Variants in SLX4IP observed in about 807,000 individuals in gnomAD.
SLX4IP encodes the protein protein SLX4IP.
Under a neutral mutation model 32.9 loss-of-function variants are expected in SLX4IP, and 34 were observed. That is an observed-to-expected ratio of 1.03 (90% CI 0.79 to 1.38). The LOEUF (loss-of-function observed/expected upper bound fraction) is 1.38, where lower values mean the gene tolerates loss of function less well. SLX4IP is among the 40% of genes most tolerant of loss of function. The pLI is 0.00. For missense variants in SLX4IP, 444 were observed against 479.0 expected (o/e 0.93, Z 0.68); for synonymous variants, 172 against 171.7 (o/e 1.00, Z -0.01).
intron 2 of SLX4IP, among the ~76,000 whole-genome samples, chr20:10,532,552 C>T (rs570915904): frequency 2.9e-4 from 44 of 152,094 alleles, no homozygotes; most frequent in African/African-American, 1.0e-3. Flanking sequence ...GTCATGTGGA[C>T]GATTTCATAA....
At chr20:10,451,094 A>G (rs2065237921) in intron 1 of SLX4IP, among the ~76,000 whole-genome samples, 1 of 143,290 alleles carries the variant, frequency 7.0e-6, no homozygotes, top group African/African-American at 2.5e-5. Context: ...TCCTTTCAAT[A>G]ATTTTGAGTT....
intron 1 of SLX4IP, among the ~76,000 whole-genome samples, chr20:10,457,567 C>T (rs533156754): frequency 1.7e-4 from 26 of 151,494 alleles, no homozygotes; most frequent in African/African-American, 4.8e-4. Context: ...CCAACTTGAT[C>T]GTGGTGTATA....
At chr20:10,600,624 C>T (rs1447103715) in intron 5 of SLX4IP, among the ~76,000 whole-genome samples, 1 of 152,078 alleles carries the variant, frequency 6.6e-6, no homozygotes, top group Non-Finnish European at 1.5e-5. Flanking sequence ...GTAATTGACA[C>T]CTTCTTGCTT....
At chr20:10,469,774 A>G (rs766845347) in intron 2 of SLX4IP, among the ~76,000 whole-genome samples, 21 of 152,218 alleles carry the variant, frequency 1.4e-4, no homozygotes, top group Non-Finnish European at 2.6e-4. Flanking sequence ...AAGTGCTTTT[A>G]CAGTCGTTGG....
At chr20:10,454,295 C>A (rs1181116058) in intron 1 of SLX4IP, among the ~76,000 whole-genome samples, 3 of 151,892 alleles carry the variant, frequency 2.0e-5, no homozygotes, top group Non-Finnish European at 2.9e-5. Flanking sequence ...CCAAGGAACC[C>A]CTATGTCAGT....
At chr20:10,496,034 G>T (rs2065664984) in intron 2 of SLX4IP, among the ~76,000 whole-genome samples, 1 of 141,492 alleles carries the variant, frequency 7.1e-6, no homozygotes, top group African/African-American at 2.7e-5. Context: ...TTGTTTGGTT[G>T]ATTTTTTTTT....
rs2065447744 is a variant in SLX4IP, at chr20:10,473,721, G to GC, written c.27+15492dup. Among the ~76,000 whole-genome samples the GC allele has an allele frequency of 2.0e-5, 3 of 151,776 alleles. No homozygotes were observed. In the South Asian group the frequency reaches 6.2e-4, roughly 32 times the overall value. On this transcript the variant is annotated intron_variant, in intron 2 of 7. Transcript: ENST00000334534. ...AGGTTCAAGCAATTCTCCTGCCTCA[G>GC]CCTCCCAAGTAGCTGGGATTACAGG...
At chr20:10,575,025 C>G (rs2066510053) in intron 4 of SLX4IP, among the ~76,000 whole-genome samples, 1 of 152,110 alleles carries the variant, frequency 6.6e-6, no homozygotes, top group Non-Finnish European at 1.5e-5. Flanking sequence ...CCTGCCCTCT[C>G]ATTAGCTCCA....
At chr20:10,586,280 G>C (rs763791796) in intron 4 of SLX4IP, among the ~76,000 whole-genome samples, 1 of 152,206 alleles carries the variant, frequency 6.6e-6, no homozygotes, top group Non-Finnish European at 1.5e-5. Flanking sequence ...AAATCCACAA[G>C]AGATTCTGAG....
chr20:10,592,015 G>T (rs1339137191), intron 4 of SLX4IP, among the ~76,000 whole-genome samples: 1 of 152,108 alleles, frequency 6.6e-6, no homozygotes, highest in East Asian at 1.9e-4. Flanking sequence ...AATAAATTTG[G>T]CTCCGAAGAA....
intron 2 of SLX4IP, among the ~76,000 whole-genome samples, chr20:10,518,549 C>CTTT (rs2065878596): frequency 9.5e-5 from 5 of 52,882 alleles, no homozygotes; most frequent in African/African-American, 3.6e-4. Flanking sequence ...TTCCTTCCTT[C>CTTT]CTTTCCTTCT....
At chr20:10,528,092 G>A (rs2065954380) in intron 2 of SLX4IP, among the ~76,000 whole-genome samples, 1 of 152,056 alleles carries the variant, frequency 6.6e-6, no homozygotes, top group Non-Finnish European at 1.5e-5. Context: ...GATCATTATG[G>A]CTGTTGTGTA....
At chr20:10,441,755 T>C (rs543938920) in intron 1 of SLX4IP, among the ~76,000 whole-genome samples, 2 of 152,254 alleles carry the variant, frequency 1.3e-5, no homozygotes, top group East Asian at 1.9e-4. Flanking sequence ...AAGTAAACTT[T>C]GGCATTCAGA....
At chr20:10,444,374 G>GTTTC (rs997630392) in intron 1 of SLX4IP, among the ~76,000 whole-genome samples, 2 of 151,966 alleles carry the variant, frequency 1.3e-5, no homozygotes, top group African/African-American at 4.8e-5. Context: ...CTGGTGAGGG[G>GTTTC]TTTCTTTCTT....
chr20:10,516,384 T>TCAATGTTGAC (rs57936307), intron 2 of SLX4IP, among the ~76,000 whole-genome samples: 87,090 of 151,958 alleles, frequency 0.57, 25,587 homozygotes, highest in South Asian at 0.72. Flanking sequence ...CTTCAACAGA[T>TCAATGTTGAC]TAATGTTGAT....
At chr20:10,473,417 T>G (rs1229485850) in intron 2 of SLX4IP, among the ~76,000 whole-genome samples, 1 of 152,216 alleles carries the variant, frequency 6.6e-6, no homozygotes, top group African/African-American at 2.4e-5. Context: ...GAGGGTTAAA[T>G]AAAAGGATTC....
At chr20:10,487,800 G>T (rs1162589203) in intron 2 of SLX4IP, among the ~76,000 whole-genome samples, 1 of 152,200 alleles carries the variant, frequency 6.6e-6, no homozygotes, top group Non-Finnish European at 1.5e-5. Context: ...TCGCTGAACA[G>T]TAGGTATTTT....
intron 2 of SLX4IP, among the ~76,000 whole-genome samples, chr20:10,547,172 A>C (rs2066170853): frequency 6.6e-6 from 1 of 152,232 alleles, no homozygotes; most frequent in South Asian, 2.1e-4. Flanking sequence ...AGGATACCAG[A>C]GATGATTTAC....
chr20:10,569,040 C>A (rs980296010), intron 4 of SLX4IP, among the ~76,000 whole-genome samples: 8 of 152,152 alleles, frequency 5.3e-5, no homozygotes, highest in African/African-American at 1.9e-4. Context: ...TTAAAGGATG[C>A]ACTTGTAACG....
Sources: allele counts gnomAD v4.1 joint callset (sites outside exome capture counted in the v4.1 genomes callset), GRCh38; gene constraint gnomAD v4.1.1; transcripts MANE v1.5; gene names NCBI Gene and HGNC (gene_info 2026-07-23, HGNC 2026-07-21).